Variants in RBFOX1 observed in about 807,000 individuals in gnomAD.
RBFOX1 encodes RNA binding protein fox-1 homolog 1.
A neutral mutation model predicts 57.7 loss-of-function variants in RBFOX1; 8 were observed. The observed-to-expected ratio is 0.14, with a 90% CI of 0.08 to 0.25. The LOEUF is 0.25. Ranked by LOEUF, RBFOX1 falls within the 10% of genes least tolerant of loss-of-function variation. The pLI is 1.00. For synonymous variants in RBFOX1, 326 were observed against 222.4 expected, an observed-to-expected ratio of 1.47 and a Z score of -4.15; for missense variants, 611 against 548.5, an observed-to-expected ratio of 1.11 and a Z score of -1.14.
chr16:5,260,348 C>A (rs1282965845), intron 1 of RBFOX1, among the ~76,000 whole-genome samples: 1 of 152,142 alleles, frequency 6.6e-6, no homozygotes, highest in African/African-American at 2.4e-5. Context: ...ATTAAGTGAG[C>A]AGCATTCCTT....
intron 3 of RBFOX1, among the ~76,000 whole-genome samples, chr16:5,709,601 A>C (rs987020564): frequency 6.6e-6 from 1 of 151,382 alleles, no homozygotes; most frequent in Non-Finnish European, 1.5e-5. Flanking sequence ...CCTGTTTAAC[A>C]GCAAGCATCA....
chr16:5,822,278 TGGG>T (rs1403852952), intron 3 of RBFOX1, among the ~76,000 whole-genome samples: 1 of 151,954 alleles, frequency 6.6e-6, no homozygotes, highest in African/African-American at 2.4e-5. Flanking sequence ...TTTGGGGACT[TGGG>T]GGGAATAGGG....
chr16:6,656,627 C>CACACACAG (rs2098654921), intron 3 of RBFOX1, among the ~76,000 whole-genome samples: 1 of 150,934 alleles, frequency 6.6e-6, no homozygotes, highest in Non-Finnish European at 1.5e-5. Context: ...CACACACACA[C>CACACACAG]ACACTTCTAG....
At chr16:6,286,577 G>A (rs528205982) in intron 1 of RBFOX1, among the ~76,000 whole-genome samples, 12 of 152,274 alleles carry the variant, frequency 7.9e-5, no homozygotes, top group Middle Eastern at 3.4e-3. Flanking sequence ...GATAGCAGTC[G>A]TCTCCTTAAT....
At chr16:5,423,870 C>A (rs1365264439) in intron 1 of RBFOX1, among the ~76,000 whole-genome samples, 2 of 152,156 alleles carry the variant, frequency 1.3e-5, no homozygotes, top group East Asian at 3.8e-4. Context: ...TGAGGCCAGG[C>A]ATTGCCTTTT....
chr16:5,778,114 C>T (rs545274980), intron 3 of RBFOX1, among the ~76,000 whole-genome samples: 83 of 152,234 alleles, frequency 5.5e-4, no homozygotes, highest in African/African-American at 1.9e-3. Flanking sequence ...GTACCGTTGA[C>T]TTCCCTTCCA....
chr16:7,539,247 ATCAGGGAAGCCTTC>A (rs2082281288), intron 5 of RBFOX1, among the ~76,000 whole-genome samples: 1 of 152,138 alleles, frequency 6.6e-6, no homozygotes, highest in South Asian at 2.1e-4. Context: ...GGGACATGAG[ATCAGGGAAGCCTTC>A]TCTGAGGAAG....
intron 1 of RBFOX1, among the ~76,000 whole-genome samples, chr16:6,144,707 A>G (rs926907329): frequency 6.6e-6 from 1 of 152,234 alleles, no homozygotes; most frequent in Non-Finnish European, 1.5e-5. Context: ...CAGGGGCCAG[A>G]TAGGTGTCTT....
intron 2 of RBFOX1, among the ~76,000 whole-genome samples, chr16:6,417,068 A>G (rs540131303): frequency 1.8e-4 from 27 of 152,178 alleles, no homozygotes; most frequent in African/African-American, 5.1e-4. Flanking sequence ...CTAAAGTACA[A>G]TGGTGCAGTC....
chr16:5,337,070 G>A (rs1283975627), intron 1 of RBFOX1, among the ~76,000 whole-genome samples: 1 of 152,186 alleles, frequency 6.6e-6, no homozygotes, highest in Admixed American at 6.5e-5. Flanking sequence ...AGTGGGTGAG[G>A]AGCAGAGGCG....
chr16:6,400,402 AATG>A (rs2093020792), intron 2 of RBFOX1, among the ~76,000 whole-genome samples: 1 of 152,208 alleles, frequency 6.6e-6, no homozygotes, highest in Non-Finnish European at 1.5e-5. Context: ...TTTTGGACTG[AATG>A]ATGATATCTC....
intron 2 of RBFOX1, among the ~76,000 whole-genome samples, chr16:6,521,165 G>A (rs904734226): frequency 6.6e-6 from 1 of 152,042 alleles, no homozygotes; most frequent in African/African-American, 2.4e-5. Flanking sequence ...ATAAATGGGA[G>A]AAGAAAAATA....
At position 5,572,434 on chromosome 16, in the gene RBFOX1, G is replaced by T. The variant is rs80240920; in HGVS notation, c.259-26468G>T. On this transcript the variant is annotated intron_variant, in intron 2 of 2. Transcript: ENST00000585867. ...CAATCTTGGCGCTGTTAACATTTTGGGTCACTTTGTTGTGGGAGGCTCTTC... is the reference window on the plus strand; with the variant it reads ...CAATCTTGGCGCTGTTAACATTTTGTGTCACTTTGTTGTGGGAGGCTCTTC... 2.3e-3 allele frequency among the ~76,000 whole-genome samples: 351 copies of T among 152,248 alleles called. 1 individual carries two copies. The highest frequency in any genetic ancestry group is 7.9e-3 in the African/African-American group (328 of 41,548).
intron 3 of RBFOX1, among the ~76,000 whole-genome samples, chr16:7,026,571 C>A (rs559291405): frequency 6.6e-6 from 1 of 152,244 alleles, no homozygotes; most frequent in African/African-American, 2.4e-5. Flanking sequence ...CTCCCCGTCC[C>A]CTCTCCTGGC....
At chr16:5,440,676 A>G (rs1471411399) in intron 1 of RBFOX1, among the ~76,000 whole-genome samples, 1 of 152,204 alleles carries the variant, frequency 6.6e-6, no homozygotes, top group East Asian at 1.9e-4. Context: ...CAGGAGCCAC[A>G]TGACAAATGA....
rs567622208 is a variant in RBFOX1, at chr16:5,815,637, A to G, written c.319-51666A>G. 5.0e-3 allele frequency among the ~76,000 whole-genome samples: 757 copies of G among 152,286 alleles called. 2 individuals are homozygous for G. Among genetic ancestry groups the G allele is most frequent in the Non-Finnish European group, 8.6e-3 (587 of 68,018 alleles). On this transcript the variant is annotated intron_variant, in intron 3 of 19. Transcript: ENST00000641259. ...CACAGCAGTTTCCACAGAGGCAGAG[A>G]GAATCATTTTTCTTAGGTGTGTGAA... is the stretch of plus-strand genomic sequence containing the variant.
At chr16:5,634,936 C>T (rs551294509) in intron 3 of RBFOX1, among the ~76,000 whole-genome samples, 33 of 152,312 alleles carry the variant, frequency 2.2e-4, no homozygotes, top group African/African-American at 7.7e-4. Context: ...CTCCTTAGAT[C>T]ATGCACCTTC....
chr16:5,479,933 C>A (rs546615630), intron 2 of RBFOX1, among the ~76,000 whole-genome samples: 2 of 152,240 alleles, frequency 1.3e-5, no homozygotes, highest in African/African-American at 4.8e-5. Flanking sequence ...AGGGTCCTTC[C>A]CTTCCTTGGT....
At chr16:5,672,126 C>T (rs1298355095) in intron 3 of RBFOX1, among the ~76,000 whole-genome samples, 1 of 152,118 alleles carries the variant, frequency 6.6e-6, no homozygotes, top group Admixed American at 6.5e-5. Context: ...TAGAGTCATT[C>T]TCTCAGTCTG....
Sources: gnomAD v4.1 joint callset for allele counts (sites outside exome capture counted in the v4.1 genomes callset) on GRCh38, gnomAD v4.1.1 for gene constraint, MANE v1.5 for transcripts, NCBI Gene and HGNC (gene_info 2026-07-23, HGNC 2026-07-21) for gene names.